The following FMN2 variants were observed in gnomAD, a reference collection of about 807,000 sequenced individuals.
FMN2 encodes the protein formin 2.
In FMN2, 51 loss-of-function variants were observed where a neutral mutation model predicts 142.3. The ratio of observed to expected loss-of-function variants is 0.36; its 90% confidence interval spans 0.29 to 0.45. FMN2 has a LOEUF of 0.45. Ranked by LOEUF, FMN2 falls within the 20% of genes least tolerant of loss-of-function variation. The pLI, the probability that FMN2 is intolerant of heterozygous loss-of-function variation, is 1.00. For missense variants in FMN2, 1,936 were observed against 2,122.8 expected, an observed-to-expected ratio of 0.91 and a Z score of 1.73; for synonymous variants, 882 against 869.8, an observed-to-expected ratio of 1.01 and a Z score of -0.25.
At chr1:240,284,507 G>T (rs1004990374) in intron 7 of FMN2, among the ~76,000 whole-genome samples, 4 of 152,188 alleles carry the variant, frequency 2.6e-5, no homozygotes, top group African/African-American at 9.6e-5. Flanking sequence ...TTCTATAAAA[G>T]CACTTTCCCT....
At chr1:240,270,490 T>C (rs1217748266) in intron 7 of FMN2, among the ~76,000 whole-genome samples, 1 of 152,086 alleles carries the variant, frequency 6.6e-6, no homozygotes, top group Non-Finnish European at 1.5e-5. Context: ...TAAACCTCAT[T>C]GGCTTCAGTA....
chr1:240,464,297 C>A (rs1676541644), intron 16 of FMN2, among the ~76,000 whole-genome samples: 1 of 152,104 alleles, frequency 6.6e-6, no homozygotes, highest in African/African-American at 2.4e-5. Context: ...TCTGAGGGAG[C>A]TCACCCATGA....
intron 7 of FMN2, among the ~76,000 whole-genome samples, chr1:240,275,424 C>CT (rs1417522949): frequency 6.6e-6 from 1 of 151,868 alleles, no homozygotes; most frequent in African/African-American, 2.4e-5. Context: ...TGAACTCATC[C>CT]TTTTTTATGG....
At chr1:240,441,505 C>G (rs16840037) in intron 16 of FMN2, among the ~76,000 whole-genome samples, 19,533 of 151,948 alleles carry the variant, frequency 0.13, 1,691 homozygotes, top group East Asian at 0.31. Context: ...CTCTGTACTC[C>G]TATCCTATTT....
chr1:240,313,756 T>G (rs551129297), intron 8 of FMN2, among the ~76,000 whole-genome samples: 138 of 152,170 alleles, frequency 9.1e-4, no homozygotes, highest in Non-Finnish European at 1.6e-3. Context: ...TCACTTGAGG[T>G]CAGGAGTTCG....
chr1:240,095,820 A>T (rs1661177958), intron 1 of FMN2, among the ~76,000 whole-genome samples: 1 of 152,146 alleles, frequency 6.6e-6, no homozygotes, highest in Non-Finnish European at 1.5e-5. Context: ...TGGGACTCTT[A>T]AAAGAGTCCT....
chr1:240,297,078 C>T (rs1179380549), intron 8 of FMN2, among the ~76,000 whole-genome samples: 1 of 152,074 alleles, frequency 6.6e-6, no homozygotes, highest in Non-Finnish European at 1.5e-5. Context: ...AAAGTAATTT[C>T]TTCAGCAGGT....
intron 13 of FMN2, among the ~76,000 whole-genome samples, chr1:240,352,907 C>T (rs573010509): frequency 6.6e-6 from 1 of 152,312 alleles, no homozygotes; most frequent in East Asian, 1.9e-4. Context: ...CCATCCCTTT[C>T]TACATTTCTG....
At chr1:240,148,484 GA>G (rs1663612088) in intron 2 of FMN2, among the ~76,000 whole-genome samples, 2 of 123,522 alleles carry the variant, frequency 1.6e-5, no homozygotes, top group Admixed American at 1.7e-4. Context: ...GAAAGAAAAA[GA>G]GAGAGAGAAA....
At chr1:240,447,295 A>T (rs1259000802) in intron 16 of FMN2, among the ~76,000 whole-genome samples, 1 of 152,166 alleles carries the variant, frequency 6.6e-6, no homozygotes, top group Non-Finnish European at 1.5e-5. Flanking sequence ...CCAAGAATGG[A>T]CATCCGTATT....
chr1:240,192,157 C>T (rs1259012952), intron 4 of FMN2, among the ~76,000 whole-genome samples: 1 of 152,176 alleles, frequency 6.6e-6, no homozygotes, highest in African/African-American at 2.4e-5. Context: ...ACTGGATCTC[C>T]TTAAAGTATC....
At chr1:240,144,372 C>G in intron 2 of FMN2, 5 of 1,607,364 alleles carry the variant, frequency 3.1e-6, no homozygotes, top group Non-Finnish European at 3.4e-6. Context: ...ATGTCCAGCT[C>G]CCGAGCTAAG....
chr1:240,241,101 TAAAC>T (rs1282756464), intron 6 of FMN2, among the ~76,000 whole-genome samples: 1 of 152,216 alleles, frequency 6.6e-6, no homozygotes, highest in African/African-American at 2.4e-5. Context: ...GTGATATTTT[TAAAC>T]AAACTGTGAA....
In FMN2 at chr1:240,473,240, G is replaced by C. The variant is rs1458381072; in HGVS notation, c.5142+787G>C. ...CGGCAGAGTTGGCTGCCGGAGAGTG[G>C]TCAGTCCAGAGACGGAGTTTAACAA... On this transcript the variant is annotated intron_variant, in intron 17 of 17. Transcript: ENST00000319653. This position sits in a 1 kb window ranked among gnomAD's most constrained non-coding sequence, Gnocchi z 4.3. Among the ~76,000 whole-genome samples the C allele has an allele frequency of 6.6e-6, 1 of 152,162 alleles. No homozygotes were observed. The highest frequency in any genetic ancestry group is 1.5e-5 in the Non-Finnish European group (1 of 68,024).
chr1:240,144,339 C>T (rs1324584467), intron 2 of FMN2: 2 of 1,606,254 alleles, frequency 1.2e-6, no homozygotes, highest in East Asian at 4.5e-5. Context: ...TTGTAGATGT[C>T]ATCAGGCACC....
At position 240,093,102 on chromosome 1, in the gene FMN2, G is replaced by T. The variant is rs1376364258; in HGVS notation, c.993G>T (p.Gly331=). The change falls in exon 1 of 18, where the codon GGG becomes GGT. Residue 331 remains glycine, a synonymous_variant. Transcript: ENST00000319653. The part of the protein sequence containing the change: ...TAFPFPEAGP[G]EEAAGAPVRG... Reference sequence around the variant, plus strand: ...TCCCATTTCCCGAGGCCGGGCCGGGGGAGGAAGCGGCCGGAGCCCCCGTGC... The same window carrying T: ...TCCCATTTCCCGAGGCCGGGCCGGGTGAGGAAGCGGCCGGAGCCCCCGTGC... The T allele has an allele frequency of 5.7e-6, 8 of 1,398,638 alleles. No homozygotes were observed. The highest frequency in any genetic ancestry group is 7.4e-6 in the Non-Finnish European group (8 of 1,085,774). 86.6% of individuals were successfully genotyped at this position (1,398,638 alleles called of 1,614,324 possible).
At chr1:240,296,814 A>C (rs1670005384) in intron 8 of FMN2, among the ~76,000 whole-genome samples, 1 of 152,204 alleles carries the variant, frequency 6.6e-6, no homozygotes, top group African/African-American at 2.4e-5. Flanking sequence ...GGTGAGCATA[A>C]GCATTCAGTG....
At chr1:240,188,415 G>A (rs560564866) in intron 4 of FMN2, among the ~76,000 whole-genome samples, 153 bp downstream of exon 4, 1 of 152,318 alleles carries the variant, frequency 6.6e-6, no homozygotes, top group Admixed American at 6.5e-5. Flanking sequence ...GGCAGAAGGG[G>A]ATGTTTTCTT....
chr1:240,252,126 C>T (rs1021088862), intron 6 of FMN2, among the ~76,000 whole-genome samples: 2 of 152,102 alleles, frequency 1.3e-5, no homozygotes, highest in East Asian at 1.9e-4. Context: ...CCAGGTTGGT[C>T]TCAAACTCCT....
Sources: gnomAD v4.1 joint callset for allele counts (sites outside exome capture counted in the v4.1 genomes callset) on GRCh38, gnomAD v4.1.1 for gene constraint, Gnocchi (gnomAD v3.1) non-coding constraint, MANE v1.5 for transcripts, NCBI Gene and HGNC (gene_info 2026-07-23, HGNC 2026-07-21) for gene names.